The following NBPF12 variants were observed in gnomAD, a reference collection of about 807,000 sequenced individuals.
NBPF12 encodes NBPF member 12.
Under a neutral mutation model 146.4 loss-of-function variants are expected in NBPF12, and 115 were observed. The ratio of observed to expected loss-of-function variants is 0.79; its 90% CI spans 0.68 to 0.92. The LOEUF (loss-of-function observed/expected upper bound fraction) is 0.92, where lower values mean the gene tolerates loss of function less well. Among genes scored for constraint, NBPF12 ranks in the 40% least tolerant of loss-of-function variants. The pLI, the probability that NBPF12 is intolerant of heterozygous loss-of-function variation, is 0.00. For missense variants in NBPF12, 1,205 were observed against 1,326.8 expected (o/e 0.91, Z 1.43); for synonymous variants, 385 against 508.9 (o/e 0.76, Z 3.28).
Position 146,966,482 on chromosome 1 carries a change from C to G in NBPF12, c.797C>G (p.Ser266Cys), listed in dbSNP as rs1326965107. 45 of 1,406,668 alleles carry G rather than the reference C, an allele frequency of 3.2e-5. No individual in the cohort carries two copies. In the Middle Eastern group the frequency reaches 2.5e-3, roughly 77 times the overall value. 87.1% of individuals were successfully genotyped at this position (1,406,668 alleles called of 1,614,324 possible). The change falls in exon 9 of 34, where the codon TCT (serine) becomes TGT (cysteine). Residue 266 changes from serine (S) to cysteine (C), a missense_variant. Around this residue, in one of 16 missense-constraint regions of NBPF12, gnomAD observed 325 missense variants for 236.6 expected, o/e 1.37. Coordinates refer to ENST00000617844, the Ensembl canonical transcript of NBPF12. ...TCCCCAGTCCCTGGCCCCACCTCTT[C>G]TGCCACAAACGTCAGCATGGTGGTA...
rs1227837235 is a variant in NBPF12 at position 146,941,380 on chromosome 1, C to T, written c.-821-1911C>T. Among the ~76,000 whole-genome samples, 14 of 151,900 alleles carry T rather than the reference C, an allele frequency of 9.2e-5. No homozygotes were observed. The South Asian group carries it at 2.3e-3, about 25-fold the overall frequency. ...GATTATAGGCATGAGCTACTGCACCCGGCCAGAGTATCTTAATTTTAATGA... is the reference window on the plus strand; with the variant it reads ...GATTATAGGCATGAGCTACTGCACCTGGCCAGAGTATCTTAATTTTAATGA... On this transcript the variant is annotated intron_variant, in intron 1 of 35. Transcript: ENST00000617931.
intron 13 of NBPF12, among the ~76,000 whole-genome samples, chr1:146,971,885 C>T (rs1415738543): frequency 4.2e-5 from 6 of 144,236 alleles, no homozygotes; most frequent in Non-Finnish European, 7.5e-5. Flanking sequence ...TGAGACCATC[C>T]TGGCTAACAC....
At chr1:146,966,165 G>C (rs1341600689) in intron 8 of NBPF12, among the ~76,000 whole-genome samples, 2 of 151,990 alleles carry the variant, frequency 1.3e-5, no homozygotes, top group Non-Finnish European at 2.9e-5. Flanking sequence ...GAAATCTTTT[G>C]TGCTACACAG....
At position 146,980,172 on chromosome 1, in the gene NBPF12, A is replaced by T. The variant is rs1214514771; in HGVS notation, c.2450+1162A>T. Among the ~76,000 whole-genome samples the T allele has an allele frequency of 5.8e-3, 889 of 152,034 alleles. 11 individuals are homozygous for T. Among genetic ancestry groups the T allele is most frequent in the African/African-American group, 0.02 (826 of 41,390 alleles). On this transcript the variant is annotated intron_variant, in intron 19 of 33. Coordinates refer to ENST00000617844, the Ensembl canonical transcript of NBPF12. ...TTTTGCTTTCCATTTGCTTGGTAGAACTTCCTCCATCCCTTTATTTTGAGC... is the reference window on the plus strand; with the variant it reads ...TTTTGCTTTCCATTTGCTTGGTAGATCTTCCTCCATCCCTTTATTTTGAGC...
chr1:146,943,633 A>C (rs1454407398), intron 2 of NBPF12, 71 bp downstream of exon 2: 1 of 863,892 alleles, frequency 1.2e-6, no homozygotes, highest in African/African-American at 1.8e-5. Context: ...TCAGATGTGA[A>C]GGGAAGATGC....
rs1171967177 is a variant in NBPF12 at position 146,954,969 on chromosome 1, AATATATATATATAT to A, written c.-184+3512_-184+3525del. Among the ~76,000 whole-genome samples, 239 of 53,470 alleles carry A rather than the reference AATATATATATATAT, an allele frequency of 4.5e-3. 21 individuals are homozygous for A. Among genetic ancestry groups the A allele is most frequent in the South Asian group, 7.6e-3 (11 of 1,450 alleles). 35.1% of individuals were successfully genotyped at this position (53,470 alleles called of 152,430 possible). On this transcript the variant is annotated intron_variant, in intron 2 of 33. Coordinates refer to ENST00000617844, the Ensembl canonical transcript of NBPF12. ...TGAAGATTATCATCTCCAAATAGGG[AATATATATATATAT>A]ATATATATATATATATATATATATA... is the stretch of plus-strand genomic sequence containing the variant.
chr1:146,948,179 G>A (rs1290240678), upstream of NBPF12, among the ~76,000 whole-genome samples: 5 of 151,816 alleles, frequency 3.3e-5, no homozygotes, highest in African/African-American at 1.2e-4. Context: ...CCTGGCTAAT[G>A]TTTGTATTTT....
intron 1 of NBPF12, among the ~76,000 whole-genome samples, chr1:146,942,521 TTAAA>T (rs1340977356): frequency 2.6e-5 from 4 of 151,542 alleles, no homozygotes; most frequent in South Asian, 4.2e-4. Flanking sequence ...TAAATATTTG[TTAAA>T]TGAATGAATG....
At chr1:146,942,342 T>G (rs2791889) in intron 1 of NBPF12, among the ~76,000 whole-genome samples, 2 of 144,034 alleles carry the variant, frequency 1.4e-5, no homozygotes, top group African/African-American at 2.6e-5. Flanking sequence ...GTACTAAAAT[T>G]TCTTACAGCT....
chr1:146,961,881 T>C (rs1275547126), intron 4 of NBPF12, among the ~76,000 whole-genome samples: 4 of 152,106 alleles, frequency 2.6e-5, no homozygotes, highest in Non-Finnish European at 4.4e-5. Context: ...GAGTCAGACC[T>C]CAGGGGCTGT....
exon 13 of NBPF12, chr1:146,971,376 G>C: frequency 6.2e-7 from 1 of 1,610,894 alleles, no homozygotes; most frequent in South Asian, 1.1e-5. Context: ...ATGTCAGGAT[G>C]CTCTAAACAT....
At chr1:146,946,371 G>A (rs1655067178), upstream of NBPF12, among the ~76,000 whole-genome samples, 4 of 151,324 alleles carry the variant, frequency 2.6e-5, no homozygotes, top group South Asian at 8.3e-4. Flanking sequence ...TCACCGTTTT[G>A]TGTTTTAGCC....
intron 1 of NBPF12, among the ~76,000 whole-genome samples, chr1:146,941,379 C>T (rs1286710817): frequency 4.6e-5 from 7 of 151,820 alleles, no homozygotes; most frequent in African/African-American, 9.7e-5. Context: ...GCTACTGCAC[C>T]CGGCCAGAGT....
At chr1:146,969,891 G>A (rs1553886129) in intron 11 of NBPF12, among the ~76,000 whole-genome samples, 21,771 of 150,624 alleles carry the variant, frequency 0.14, 2,150 homozygotes, top group Admixed American at 0.27. Flanking sequence ...GGCGCTTGTT[G>A]GAGTGAAAAG....
chr1:146,984,891 AG>A lies in NBPF12; in HGVS notation c.2746del (p.Val916PhefsTer5). The A allele has an allele frequency of 6.3e-7, 1 of 1,595,530 alleles. No individual in the cohort carries two copies. Among genetic ancestry groups the A allele is most frequent in the Non-Finnish European group, 8.6e-7 (1 of 1,166,000 alleles). The stretch of plus-strand genomic sequence containing the variant: ...TGGATAGATGTTATTCAACTCCTTC[AG>A]TTTATCTTGGACTGACTGACTCATG... On this transcript the variant is annotated frameshift_variant, in exon 22 of 34. Transcript: ENST00000617844. LOFTEE classifies it high-confidence loss of function.
chr1:146,966,196 A>G (rs1553885631), intron 8 of NBPF12, among the ~76,000 whole-genome samples: 209 of 151,796 alleles, frequency 1.4e-3, no homozygotes, highest in Admixed American at 1.9e-3. Context: ...CACTCATGGG[A>G]TAAAAATCTC....
At chr1:146,982,973 G>C in exon 20 of NBPF12, 1 of 1,609,154 alleles carries the variant, frequency 6.2e-7, no homozygotes. Flanking sequence ...AGGAGTCCTG[G>C]GATGAAGGTT....
chr1:146,943,100 A>C (rs1654878848), intron 1 of NBPF12, among the ~76,000 whole-genome samples, 191 bp from the exon 2 acceptor site: 1 of 149,094 alleles, frequency 6.7e-6, no homozygotes, highest in African/African-American at 2.5e-5. Flanking sequence ...ATGGGGTCTT[A>C]CTATGTTGCA....
chr1:146,965,766 T>A (rs1174941134), intron 8 of NBPF12, among the ~76,000 whole-genome samples: 1 of 113,558 alleles, frequency 8.8e-6, no homozygotes, highest in African/African-American at 3.5e-5. Flanking sequence ...CACTCCAGCC[T>A]GGGAGACAGA....
Sources: allele counts gnomAD v4.1 joint callset (sites outside exome capture counted in the v4.1 genomes callset), GRCh38; gene constraint gnomAD v4.1.1; regional missense constraint gnomAD v4.1.1; transcripts MANE v1.5; gene names NCBI Gene and HGNC (gene_info 2026-07-23, HGNC 2026-07-21).